The following CACNG3 variants were observed in gnomAD, a reference collection of about 807,000 sequenced individuals.
The protein encoded by CACNG3 is calcium voltage-gated channel auxiliary subunit gamma 3, also known as voltage-dependent calcium channel gamma-3 subunit.
A neutral mutation model predicts 28.5 loss-of-function variants in CACNG3; 3 were observed. That is an observed-to-expected ratio of 0.11 (90% CI 0.05 to 0.27). The LOEUF is 0.27. Ranked by LOEUF, CACNG3 falls within the 10% of genes least tolerant of loss-of-function variation. The probability of loss-of-function intolerance (pLI) is 1.00; values close to 1 mark genes in which losing one functional copy is unlikely to be tolerated. For synonymous variants in CACNG3, 174 were observed against 162.2 expected (o/e 1.07, Z -0.55); for missense variants, 236 against 414.4 (o/e 0.57, Z 3.74).
At chr16:24,282,406 CTTTTTTT>C (rs11457090) in intron 1 of CACNG3, among the ~76,000 whole-genome samples, 1 of 146,068 alleles carries the variant, frequency 6.8e-6, no homozygotes, top group African/African-American at 2.5e-5. Flanking sequence ...TCATTACTTC[CTTTTTTT>C]TTTTTTAAAC....
At chr16:24,344,970 A>C (rs192015226) in intron 1 of CACNG3, among the ~76,000 whole-genome samples, 2 of 152,172 alleles carry the variant, frequency 1.3e-5, no homozygotes, top group Admixed American at 1.3e-4. Context: ...GTGATTTTCC[A>C]TTGTCTCATT....
intron 1 of CACNG3, among the ~76,000 whole-genome samples, chr16:24,324,567 T>C (rs1899512230): frequency 6.6e-6 from 1 of 152,114 alleles, no homozygotes. Context: ...CAAATCACCA[T>C]TGCCCCCACC....
chr16:24,347,107 C>G (rs889712031), intron 2 of CACNG3, among the ~76,000 whole-genome samples: 4 of 152,170 alleles, frequency 2.6e-5, no homozygotes, highest in Admixed American at 6.5e-5. Context: ...CGCTTGAGCT[C>G]AGGAGGTCGA....
chr16:24,308,814 T>C (rs1899220231), intron 1 of CACNG3, among the ~76,000 whole-genome samples: 2 of 116,532 alleles, frequency 1.7e-5, no homozygotes, highest in Middle Eastern at 9.3e-3. Context: ...TGTTCCAGCC[T>C]GGCTGATGGA....
At chr16:24,268,672 A>G (rs559905060) in intron 1 of CACNG3, among the ~76,000 whole-genome samples, 48 of 152,354 alleles carry the variant, frequency 3.2e-4, no homozygotes, top group African/African-American at 1.1e-3. Context: ...TTAAAAAAGT[A>G]ACACTAATGA....
chr16:24,261,188 C>T (rs1474861437), intron 1 of CACNG3, among the ~76,000 whole-genome samples: 1 of 144,282 alleles, frequency 6.9e-6, no homozygotes, highest in East Asian at 2.1e-4. Flanking sequence ...AAGTATGAAA[C>T]AAGCATTTCC....
chr16:24,308,433 C>T (rs1366777920), intron 1 of CACNG3, among the ~76,000 whole-genome samples: 2 of 152,176 alleles, frequency 1.3e-5, no homozygotes, highest in African/African-American at 4.8e-5. Flanking sequence ...AGAAATTGTG[C>T]AACTTTGTGC....
In CACNG3 at chr16:24,361,907, G is replaced by T; in HGVS notation, c.*44G>T. 1 of 1,545,858 alleles carries T rather than the reference G, an allele frequency of 6.5e-7. No individual in the cohort carries two copies. ...CCCCACGCCCAGCACAGCCTTGGGG[G>T]AAGTGTACAGAGATGTCTCTGAGGT... On this transcript the variant is annotated 3_prime_UTR_variant, in exon 4 of 4. Coordinates refer to ENST00000005284, the MANE Select transcript of CACNG3 (RefSeq NM_006539.4). This position sits in a 1 kb window ranked among gnomAD's most constrained non-coding sequence, Gnocchi z 6.8.
intron 1 of CACNG3, among the ~76,000 whole-genome samples, chr16:24,287,436 T>G (rs1898909726): frequency 7.1e-6 from 1 of 141,080 alleles, no homozygotes; most frequent in African/African-American, 2.7e-5. Flanking sequence ...GAGAATCACT[T>G]GAACCCAAGA....
chr16:24,358,189 A>G (rs981309881), intron 3 of CACNG3, among the ~76,000 whole-genome samples: 1 of 152,236 alleles, frequency 6.6e-6, no homozygotes, highest in African/African-American at 2.4e-5. Context: ...GGGGGAAAAA[A>G]GAGAAAACAA....
intron 2 of CACNG3, among the ~76,000 whole-genome samples, chr16:24,348,941 G>A (rs926196828): frequency 3.3e-5 from 5 of 151,972 alleles, no homozygotes; most frequent in Non-Finnish European, 5.9e-5. Context: ...TTTTTTTCTC[G>A]TCTGGGAAGA....
intron 1 of CACNG3, among the ~76,000 whole-genome samples, chr16:24,319,275 G>C (rs1899425648): frequency 6.6e-6 from 1 of 152,184 alleles, no homozygotes; most frequent in South Asian, 2.1e-4. Flanking sequence ...GGTAAAGGAA[G>C]ACAAAGGTTT....
At chr16:24,355,076 C>G in intron 3 of CACNG3, 103 bp downstream of exon 3, 3 of 1,149,070 alleles carry the variant, frequency 2.6e-6, no homozygotes, top group East Asian at 2.4e-5. Context: ...AGGGAAGGAG[C>G]AAGAAAATGT....
In CACNG3 at chr16:24,361,935, C is replaced by T; in HGVS notation, c.*72C>T. 7.1e-7 allele frequency: 1 copy of T among 1,399,424 alleles called. No homozygotes were observed. Among genetic ancestry groups the T allele is most frequent in the Non-Finnish European group, 9.7e-7 (1 of 1,034,698 alleles). 86.7% of individuals were successfully genotyped at this position (1,399,424 alleles called of 1,614,324 possible). ...GTGTACAGAGATGTCTCTGAGGTTG[C>T]ATGGCATGGTCCTTGTGATGGTATT... On this transcript the variant is annotated 3_prime_UTR_variant, in exon 4 of 4. Transcript: ENST00000005284. The surrounding 1 kb of genome is among the most constrained non-coding windows in gnomAD (Gnocchi z 6.8).
chr16:24,341,342 C>A (rs1315488815), intron 1 of CACNG3, among the ~76,000 whole-genome samples: 1 of 152,096 alleles, frequency 6.6e-6, no homozygotes, highest in Admixed American at 6.5e-5. Flanking sequence ...GGGGAAAATT[C>A]TTGATTCCTT....
At chr16:24,257,390 A>G (rs902618110) in intron 1 of CACNG3, among the ~76,000 whole-genome samples, 128 of 127,052 alleles carry the variant, frequency 1.0e-3, no homozygotes, top group Non-Finnish European at 1.3e-3. Context: ...AGAGAGAGAG[A>G]GAGAGAGAGA....
At chr16:24,329,472 G>A (rs1162535618) in intron 1 of CACNG3, among the ~76,000 whole-genome samples, 1 of 152,140 alleles carries the variant, frequency 6.6e-6, no homozygotes, top group East Asian at 1.9e-4. Flanking sequence ...AAAAAGTGTG[G>A]CTCTTTATAC....
intron 1 of CACNG3, among the ~76,000 whole-genome samples, chr16:24,327,906 C>T (rs945395406): frequency 1.3e-5 from 2 of 152,110 alleles, no homozygotes; most frequent in African/African-American, 2.4e-5. Context: ...CATGCCACTG[C>T]ACTCCTGAGT....
Position 24,362,403 on chromosome 16 carries a change from T to C in CACNG3, c.*540T>C, listed in dbSNP as rs1302916178. 2 of 152,822 alleles carry C rather than the reference T, an allele frequency of 1.3e-5. No homozygotes were observed. Among genetic ancestry groups the C allele is most frequent in the African/African-American group, 2.4e-5 (1 of 41,438 alleles). The allele number at this position is 152,822 out of a possible 1,614,324, so 9.5% of individuals were successfully genotyped here. Reference sequence around the variant, plus strand: ...TCATGTTATTAAAGGTTTTGCCTTGTCGTAACCAACCGAGCCGGGGGTGTT... The same window carrying C: ...TCATGTTATTAAAGGTTTTGCCTTGCCGTAACCAACCGAGCCGGGGGTGTT... On this transcript the variant is annotated 3_prime_UTR_variant, in exon 4 of 4. Transcript: ENST00000005284.
Sources: allele counts gnomAD v4.1 joint callset (sites outside exome capture counted in the v4.1 genomes callset), GRCh38; gene constraint gnomAD v4.1.1; non-coding constraint Gnocchi (gnomAD v3.1); transcripts MANE v1.5; gene names NCBI Gene and HGNC (gene_info 2026-07-23, HGNC 2026-07-21).